Variants in PCDH9 observed in about 807,000 individuals in gnomAD.
PCDH9 encodes protocadherin 9, also known as protocadherin-9.
A neutral mutation model predicts 70.6 loss-of-function variants in PCDH9; 24 were observed. The observed-to-expected ratio is 0.34, with a 90% CI of 0.25 to 0.48. The LOEUF (loss-of-function observed/expected upper bound fraction) is 0.48, where lower values mean the gene tolerates loss of function less well. PCDH9 is among the 20% of genes least tolerant of loss of function. The probability of loss-of-function intolerance (pLI) is 0.99; values close to 1 mark genes in which losing one functional copy is unlikely to be tolerated. For missense variants in PCDH9, 1,281 were observed against 1,503.6 expected, an observed-to-expected ratio of 0.85 and a Z score of 2.45; for synonymous variants, 562 against 558.5, an observed-to-expected ratio of 1.01 and a Z score of -0.09.
intron 2 of PCDH9, among the ~76,000 whole-genome samples, chr13:66,925,907 A>T (rs77472462): frequency 0.05 from 7,564 of 152,082 alleles, 601 homozygotes; most frequent in African/African-American, 0.17. Flanking sequence ...CAGCAATGGC[A>T]ATAGTAATAC....
At chr13:66,564,865 GT>G (rs11446994) in intron 4 of PCDH9, among the ~76,000 whole-genome samples, 160 of 147,198 alleles carry the variant, frequency 1.1e-3, no homozygotes, top group East Asian at 3.6e-3. Flanking sequence ...ATAATGTAGG[GT>G]TTTTTTTTTT....
intron 4 of PCDH9, among the ~76,000 whole-genome samples, chr13:66,344,927 G>T (rs1956189727): frequency 6.6e-6 from 1 of 152,200 alleles, no homozygotes; most frequent in Non-Finnish European, 1.5e-5. Flanking sequence ...TGCAGGGAAA[G>T]AAAACTAAGG....
intron 4 of PCDH9, among the ~76,000 whole-genome samples, chr13:66,426,222 A>T (rs1483085549): frequency 6.6e-6 from 1 of 150,834 alleles, no homozygotes; most frequent in Non-Finnish European, 1.5e-5. Flanking sequence ...ATATGAATGA[A>T]AAAAAAAAGA....
intron 2 of PCDH9, among the ~76,000 whole-genome samples, chr13:67,138,205 T>C (rs1229579885): frequency 1.3e-5 from 2 of 152,148 alleles, no homozygotes; most frequent in Non-Finnish European, 2.9e-5. Context: ...TGTCCTCCTA[T>C]ACAAAATGGC....
chr13:66,643,512 T>C (rs2077734508), intron 3 of PCDH9, among the ~76,000 whole-genome samples: 1 of 152,078 alleles, frequency 6.6e-6, no homozygotes, highest in Non-Finnish European at 1.5e-5. Context: ...TATGGCTTTT[T>C]AGTTAGTCTG....
intron 2 of PCDH9, among the ~76,000 whole-genome samples, chr13:67,051,702 T>G (rs1035843775): frequency 6.6e-6 from 1 of 152,034 alleles, no homozygotes; most frequent in Admixed American, 6.6e-5. Context: ...ACAGTGAAGG[T>G]AAGAAAAGAC....
chr13:66,754,245 G>T (rs1415973284), intron 3 of PCDH9, among the ~76,000 whole-genome samples: 1 of 152,048 alleles, frequency 6.6e-6, no homozygotes, highest in Non-Finnish European at 1.5e-5. Context: ...AGGGCAAGTG[G>T]AGGAATAGCA....
chr13:66,626,184 G>A (rs568917432), intron 4 of PCDH9, among the ~76,000 whole-genome samples: 1 of 152,160 alleles, frequency 6.6e-6, no homozygotes, highest in South Asian at 2.1e-4. Flanking sequence ...CAGTCAACCC[G>A]GTTGGGAAGA....
intron 2 of PCDH9, among the ~76,000 whole-genome samples, chr13:66,923,358 T>C (rs908213989): frequency 6.6e-5 from 10 of 151,618 alleles, no homozygotes; most frequent in Admixed American, 6.6e-5. Flanking sequence ...CATAATTATA[T>C]GTAAACCCTG....
At chr13:66,427,475 C>T (rs145126405) in intron 4 of PCDH9, among the ~76,000 whole-genome samples, 248 of 151,806 alleles carry the variant, frequency 1.6e-3, no homozygotes, top group African/African-American at 5.3e-3. Flanking sequence ...CACTGGTTTA[C>T]ATAGACATGT....
At chr13:66,867,537 T>C (rs2139497636) in intron 3 of PCDH9, among the ~76,000 whole-genome samples, 1 of 152,174 alleles carries the variant, frequency 6.6e-6, no homozygotes, top group Non-Finnish European at 1.5e-5. Context: ...TTGATGAGAA[T>C]AGCTATGAAA....
chr13:66,353,698 A>AT (rs202244864), intron 4 of PCDH9, among the ~76,000 whole-genome samples: 22 of 151,168 alleles, frequency 1.5e-4, no homozygotes, highest in African/African-American at 3.6e-4. Flanking sequence ...ATTTTATACA[A>AT]TTTTTTTTTC....
At chr13:66,569,148 T>G (rs1448032467) in intron 4 of PCDH9, among the ~76,000 whole-genome samples, 1 of 151,692 alleles carries the variant, frequency 6.6e-6, no homozygotes, top group East Asian at 1.9e-4. Context: ...ACTGCAGGCA[T>G]GTGCCACCAC....
intron 3 of PCDH9, among the ~76,000 whole-genome samples, chr13:66,838,384 T>A (rs932249436): frequency 1.3e-5 from 2 of 151,964 alleles, no homozygotes; most frequent in African/African-American, 2.4e-5. Flanking sequence ...AAAAAAAAAA[T>A]TCATTGTCAG....
intron 2 of PCDH9, among the ~76,000 whole-genome samples, chr13:67,174,289 C>T (rs918038868): frequency 3.0e-4 from 44 of 148,606 alleles, no homozygotes; most frequent in African/African-American, 7.2e-4. Context: ...GCTAGATAGA[C>T]AGATGATAGA....
chr13:66,841,772 A>T (rs550200157), intron 3 of PCDH9, among the ~76,000 whole-genome samples: 3 of 152,350 alleles, frequency 2.0e-5, no homozygotes, highest in African/African-American at 7.2e-5. Flanking sequence ...GCTGCTATGA[A>T]AAATGGAGGG....
At chr13:66,801,576 T>C (rs1379130202) in intron 3 of PCDH9, among the ~76,000 whole-genome samples, 2 of 152,096 alleles carry the variant, frequency 1.3e-5, no homozygotes, top group Non-Finnish European at 2.9e-5. Flanking sequence ...TGTCAGAATT[T>C]ATCATTTTAT....
At chr13:66,736,230 T>C (rs1593976135) in intron 3 of PCDH9, among the ~76,000 whole-genome samples, 1 of 152,292 alleles carries the variant, frequency 6.6e-6, no homozygotes, top group Admixed American at 6.5e-5. Flanking sequence ...TAACCCCCCA[T>C]AGCTCAGCTG....
intron 2 of PCDH9, among the ~76,000 whole-genome samples, chr13:67,153,198 G>A (rs548627833): frequency 2.7e-5 from 4 of 150,688 alleles, no homozygotes; most frequent in South Asian, 2.1e-4. Flanking sequence ...GTCTCTCTCC[G>A]TCCTGCAGTC....
Sources: gnomAD v4.1 joint callset for allele counts (sites outside exome capture counted in the v4.1 genomes callset) on GRCh38, gnomAD v4.1.1 for gene constraint, MANE v1.5 for transcripts, NCBI Gene and HGNC (gene_info 2026-07-23, HGNC 2026-07-21) for gene names.